VPS25: variants seen among roughly 807,000 people sequenced by gnomAD.
The protein encoded by VPS25 is vacuolar protein sorting 25 homolog, also known as vacuolar protein-sorting-associated protein 25.
In VPS25, 21 loss-of-function variants were observed where a neutral mutation model predicts 30.3. The observed-to-expected ratio is 0.69, with a 90% CI of 0.49 to 1.00. VPS25 has a LOEUF of 1.00. VPS25 is among the 50% of genes least tolerant of loss of function. The probability of loss-of-function intolerance (pLI) is 0.00; values close to 1 mark genes in which losing one functional copy is unlikely to be tolerated. For synonymous variants in VPS25, 101 were observed against 88.1 expected (o/e 1.15, Z -0.82); for missense variants, 156 against 217.2 (o/e 0.72, Z 1.77).
In VPS25 at chr17:42,779,157, C is replaced by T; in HGVS notation, c.*88C>T. The T allele has an allele frequency of 7.9e-7, 1 of 1,258,716 alleles. No homozygotes were observed. The highest frequency in any genetic ancestry group is 1.1e-6 in the Non-Finnish European group (1 of 887,332). The allele number at this position is 1,258,716 out of a possible 1,614,324, so 78.0% of individuals were successfully genotyped here. A position where few individuals can be genotyped will look rare whatever the true frequency, so the allele number is the denominator to read the frequency against. ...ACCCAGTGTCCCCCAAAGACTGGAT[C>T]TGTGACTCCACCAGACTCAAAAGGA... On this transcript the variant is annotated 3_prime_UTR_variant, in exon 6 of 6. Transcript: ENST00000253794.
chr17:42,776,387 G>T, intron 5 of VPS25, 67 bp downstream of exon 5: 1 of 1,478,970 alleles, frequency 6.8e-7, no homozygotes, highest in Non-Finnish European at 9.4e-7. Context: ...TTCCGATATG[G>T]AGTCTTGCTC....
chr17:42,775,563 G>T, intron 4 of VPS25, 94 bp downstream of exon 4: 6 of 1,032,414 alleles, frequency 5.8e-6, no homozygotes, highest in South Asian at 1.6e-5. Flanking sequence ...CCCAGATCCA[G>T]ACTGAGCAAA....
chr17:42,773,914 A>G (rs374288280), intron 2 of VPS25, 36 bp downstream of exon 2: 215 of 1,592,452 alleles, frequency 1.4e-4, no homozygotes, highest in African/African-American at 5.4e-4. Flanking sequence ...GCCCATACAC[A>G]TGCACTTCTG....
In VPS25 at chr17:42,778,995, C is replaced by T; in HGVS notation, c.457C>T (p.Leu153=). ...GLDEATLLRA[L]QALQQEHKAE... ...GGATGAAGCCACTCTACTGCGGGCTCTGCAGGCCCTACAGCAGGAGCACAA... is the reference window on the plus strand; with the variant it reads ...GGATGAAGCCACTCTACTGCGGGCTTTGCAGGCCCTACAGCAGGAGCACAA... The change falls in exon 6 of 6, where the codon CTG becomes TTG. Residue 153 remains leucine, a synonymous_variant. Coordinates refer to ENST00000253794, the MANE Select transcript of VPS25 (RefSeq NM_032353.4). 1 of 1,614,158 alleles carries T rather than the reference C, an allele frequency of 6.2e-7. No individual in the cohort carries two copies. The highest frequency in any genetic ancestry group is 8.5e-7 in the Non-Finnish European group (1 of 1,180,000).
At chr17:42,774,448 GCTC>G (rs925764879) in intron 2 of VPS25, 195 bp from the exon 3 acceptor site, 13 of 409,578 alleles carry the variant, frequency 3.2e-5, no homozygotes, top group African/African-American at 2.1e-4. Context: ...ATCACATAAA[GCTC>G]CTTTTAATTG....
chr17:42,777,842 A>C (rs1435912797), intron 5 of VPS25, among the ~76,000 whole-genome samples: 1 of 152,166 alleles, frequency 6.6e-6, no homozygotes, highest in Non-Finnish European at 1.5e-5. Flanking sequence ...GATCACCACA[A>C]GTTTCGATCT....
At chr17:42,774,042 C>T (rs2054424019) in intron 2 of VPS25, 164 bp downstream of exon 2, 2 of 787,718 alleles carry the variant, frequency 2.5e-6, no homozygotes, top group South Asian at 3.8e-5. Flanking sequence ...TTTCCCCTGG[C>T]AAATGCAGTA....
chr17:42,779,213 G>GTGAGAAACCCATCCCCA lies in VPS25; in HGVS notation c.*144_*145insTGAGAAACCCATCCCCA. 2 of 702,550 alleles carry GTGAGAAACCCATCCCCA rather than the reference G, an allele frequency of 2.8e-6. No homozygotes were observed. Among genetic ancestry groups the GTGAGAAACCCATCCCCA allele is most frequent in the Non-Finnish European group, 4.8e-6 (2 of 414,046 alleles). The allele number at this position is 702,550 out of a possible 1,614,324, so 43.5% of individuals were successfully genotyped here. On this transcript the variant is annotated 3_prime_UTR_variant, in exon 6 of 6. Coordinates refer to ENST00000253794, the MANE Select transcript of VPS25 (RefSeq NM_032353.4). ...GTCCTGAAGGCTGGGACCTGGGGAT[G>GTGAGAAACCCATCCCCA]GGTTTCTCACACCCCATATGTCTGT... is the stretch of plus-strand genomic sequence containing the variant.
intron 3 of VPS25, chr17:42,775,111 C>T (rs2054429079): frequency 2.2e-6 from 1 of 452,368 alleles, no homozygotes; most frequent in South Asian, 3.0e-5. Context: ...GTGGCTCAGT[C>T]CTATCTCACT....
In VPS25 at chr17:42,774,657, G is replaced by A. The variant is rs766971196; in HGVS notation, c.211G>A (p.Val71Met). Reference sequence around the variant, plus strand: ...TAACCTTAAACCAGGAAAGCTTCCTGTGGAGTCGATCCAGATTGTATTAGA... The same window carrying A: ...TAACCTTAAACCAGGAAAGCTTCCTATGGAGTCGATCCAGATTGTATTAGA... ...NNVKLQRKLPVESIQIVLEEL... is the reference protein window; with the variant it reads ...NNVKLQRKLPMESIQIVLEEL... Residue 71 changes from valine (V) to methionine (M), a missense_variant, in exon 3 of 6, where the codon GTG becomes ATG. Coordinates refer to ENST00000253794, the MANE Select transcript of VPS25 (RefSeq NM_032353.4). The A allele has an allele frequency of 3.7e-6, 6 of 1,613,210 alleles. No homozygotes were observed. Among genetic ancestry groups the A allele is most frequent in the Non-Finnish European group, 5.1e-6 (6 of 1,179,298 alleles).
At position 42,775,466 on chromosome 17, in the gene VPS25, G is replaced by A. The variant is rs2054431046; in HGVS notation, c.339G>A (p.Gln113=). ...RPEEWGKLIY[Q]WVSRSGQNNS... Reference sequence around the variant, plus strand: ...AAGAATGGGGGAAACTCATCTATCAGTGGGTGAGATCATTATTCTGCCAAG... The same window carrying A: ...AAGAATGGGGGAAACTCATCTATCAATGGGTGAGATCATTATTCTGCCAAG... The change falls in exon 4 of 6, where the codon CAG becomes CAA. Residue 113 remains glutamine, a synonymous_variant. Transcript: ENST00000253794. The A allele has an allele frequency of 6.2e-7, 1 of 1,612,312 alleles. No individual in the cohort carries two copies. The highest frequency in any genetic ancestry group is 8.5e-7 in the Non-Finnish European group (1 of 1,178,406).
In VPS25 at chr17:42,779,141, C is replaced by T. The variant is rs939509127; in HGVS notation, c.*72C>T. On this transcript the variant is annotated 3_prime_UTR_variant, in exon 6 of 6. Coordinates refer to ENST00000253794, the MANE Select transcript of VPS25 (RefSeq NM_032353.4). ...TTTCAAAAGGAGACAGACCCAGTGT[C>T]CCCCAAAGACTGGATCTGTGACTCC... 2.5e-5 allele frequency: 35 copies of T among 1,375,446 alleles called. No homozygotes were observed. Among genetic ancestry groups the T allele is most frequent in the South Asian group, 6.2e-5 (5 of 80,772 alleles). The allele number at this position is 1,375,446 out of a possible 1,614,324, so 85.2% of individuals were successfully genotyped here.
chr17:42,778,914 G>C (rs773484974), intron 5 of VPS25, 43 bp from the exon 6 acceptor site: 1 of 1,591,462 alleles, frequency 6.3e-7, no homozygotes, highest in Non-Finnish European at 8.6e-7. Flanking sequence ...AGAGGCCTTG[G>C]GCCTCAGGAG....
chr17:42,774,370 T>G (rs1348295124), intron 2 of VPS25: 3 of 353,548 alleles, frequency 8.5e-6, no homozygotes, highest in Non-Finnish European at 1.5e-5. Flanking sequence ...GCTTCTTTCT[T>G]TCTTTTTTTT....
Position 42,775,488 on chromosome 17 carries a change from C to T in VPS25, c.342+19C>T, listed in dbSNP as rs1259690661. ...TCAGTGGGTGAGATCATTATTCTGC[C>T]AAGTATTCAACAGTGACCCATGGAA... On this transcript the variant is annotated intron_variant, in intron 4 of 5. Coordinates refer to ENST00000253794, the MANE Select transcript of VPS25 (RefSeq NM_032353.4). 4 of 1,592,222 alleles carry T rather than the reference C, an allele frequency of 2.5e-6. No homozygotes were observed. The Admixed American group carries it at 6.7e-5, about 27-fold the overall frequency.
intron 5 of VPS25, 124 bp downstream of exon 5, chr17:42,776,444 C>T: frequency 1.3e-6 from 1 of 798,356 alleles, no homozygotes; most frequent in Non-Finnish European, 2.0e-6. Context: ...CTCACTGCAA[C>T]CTCCGCCTCC....
rs61754310 is a variant in VPS25, at chr17:42,779,296, T to C, written c.*227T>C. 596 of 490,820 alleles carry C rather than the reference T, an allele frequency of 1.2e-3. 3 individuals are homozygous for C. The highest frequency in any genetic ancestry group is 0.011 in the African/African-American group (543 of 51,224). The allele number at this position is 490,820 out of a possible 1,614,324, so 30.4% of individuals were successfully genotyped here. A position where few individuals can be genotyped will look rare whatever the true frequency, so the allele number is the denominator to read the frequency against. On this transcript the variant is annotated 3_prime_UTR_variant, in exon 6 of 6. Transcript: ENST00000253794. ...AGAAAATATGTGCTTCTTCTCGCCCTACCTCCTTTCCCATCCTAGACTGTC... is the reference window on the plus strand; with the variant it reads ...AGAAAATATGTGCTTCTTCTCGCCCCACCTCCTTTCCCATCCTAGACTGTC...
chr17:42,778,185 T>G (rs965824960), intron 5 of VPS25, among the ~76,000 whole-genome samples: 28 of 151,904 alleles, frequency 1.8e-4, no homozygotes, highest in Non-Finnish European at 2.4e-4. Flanking sequence ...GGCTCCCCAA[T>G]TTTTTTGGTT....
chr17:42,774,580 G>A, intron 2 of VPS25, 66 bp from the exon 3 acceptor site: 24 of 1,407,724 alleles, frequency 1.7e-5, no homozygotes, highest in Non-Finnish European at 2.2e-5. Flanking sequence ...CTCAACATGG[G>A]ACTGGCTCTG....
Sources: allele counts gnomAD v4.1 joint callset (sites outside exome capture counted in the v4.1 genomes callset), GRCh38; gene constraint gnomAD v4.1.1; transcripts MANE v1.5; gene names NCBI Gene and HGNC (gene_info 2026-07-23, HGNC 2026-07-21).